CRTAC1: variants seen among roughly 807,000 people sequenced by gnomAD.
CRTAC1 encodes cartilage acidic protein 1, also known as acidic secreted protein in cartilage.
Under a neutral mutation model 67.8 loss-of-function variants are expected in CRTAC1, and 37 were observed. The observed-to-expected ratio is 0.55, with a 90% confidence interval of 0.42 to 0.72. The LOEUF (loss-of-function observed/expected upper bound fraction) is 0.72, where lower values mean the gene tolerates loss of function less well. Among genes scored for constraint, CRTAC1 ranks in the 30% least tolerant of loss-of-function variants. The pLI is 0.00. For missense variants in CRTAC1, 780 were observed against 931.6 expected (o/e 0.84, Z 2.12); for synonymous variants, 348 against 371.0 (o/e 0.94, Z 0.71).
At chr10:97,915,513 C>A (rs1224564895) in intron 5 of CRTAC1, among the ~76,000 whole-genome samples, 1 of 152,236 alleles carries the variant, frequency 6.6e-6, no homozygotes, top group Non-Finnish European at 1.5e-5. Context: ...CCCAGCTTCT[C>A]AGGCCCCCTG....
chr10:97,924,506 G>C (rs1251109498), intron 3 of CRTAC1, among the ~76,000 whole-genome samples: 1 of 152,178 alleles, frequency 6.6e-6, no homozygotes, highest in African/African-American at 2.4e-5. Flanking sequence ...CAGGGGCCAA[G>C]AGCTCAGGGT....
At chr10:98,020,283 G>A (rs191500927) in intron 1 of CRTAC1, among the ~76,000 whole-genome samples, 3 of 152,238 alleles carry the variant, frequency 2.0e-5, no homozygotes, top group East Asian at 1.9e-4. Context: ...AGTACTATAC[G>A]AGGAATGGAT....
At chr10:98,013,201 A>G (rs1212807771) in intron 1 of CRTAC1, among the ~76,000 whole-genome samples, 2 of 152,210 alleles carry the variant, frequency 1.3e-5, no homozygotes, top group African/African-American at 4.8e-5. Context: ...CAGTGGCTGG[A>G]AAGAGTGCTG....
chr10:97,884,070 A>G (rs2050248372), intron 12 of CRTAC1, 136 bp downstream of exon 12: 1 of 965,196 alleles, frequency 1.0e-6, no homozygotes, highest in Non-Finnish European at 1.5e-6. Context: ...AGGGATCAGT[A>G]TGAAGCCTTC....
rs769753665 is a variant in CRTAC1, at chr10:97,936,245, C to T, written c.346G>A (p.Gly116Arg). The change falls in exon 3 of 15, where the codon GGG (glycine) becomes AGG (arginine). Residue 116 changes from glycine to arginine, a missense_variant. Physicochemically the swap from Gly to Arg is moderately radical, Grantham distance 125. Transcript: ENST00000370597. ...ALRDRQGNAI[G>R]VTACDIDGDG... is the part of the protein sequence containing the mutation. Reference sequence around the variant, plus strand: ...CCGTCGATGTCGCAGGCTGTGACCCCGATGGCGTTCCCCTGCCGGTCCCGC... The same window carrying T: ...CCGTCGATGTCGCAGGCTGTGACCCTGATGGCGTTCCCCTGCCGGTCCCGC... The T allele has an allele frequency of 7.4e-6, 12 of 1,614,138 alleles. No individual in the cohort carries two copies. Among genetic ancestry groups the T allele is most frequent in the South Asian group, 6.6e-5 (6 of 91,072 alleles).
At chr10:97,965,429 T>A (rs1361572379) in intron 2 of CRTAC1, among the ~76,000 whole-genome samples, 1 of 152,188 alleles carries the variant, frequency 6.6e-6, no homozygotes, top group African/African-American at 2.4e-5. Context: ...ACCCCCTTTT[T>A]CATTTCCACC....
chr10:97,948,135 C>T (rs1237670014), intron 2 of CRTAC1, among the ~76,000 whole-genome samples: 1 of 148,738 alleles, frequency 6.7e-6, no homozygotes, highest in Non-Finnish European at 1.5e-5. Context: ...CTCTTCTGAG[C>T]TAATGTGATT....
chr10:98,006,022 G>T (rs1842782474), intron 2 of CRTAC1, among the ~76,000 whole-genome samples: 1 of 152,176 alleles, frequency 6.6e-6, no homozygotes, highest in African/African-American at 2.4e-5. Context: ...GTAGAAAAAT[G>T]GATCCAAATC....
chr10:97,956,060 GCTT>G (rs2051434914), intron 2 of CRTAC1, among the ~76,000 whole-genome samples: 1 of 152,204 alleles, frequency 6.6e-6, no homozygotes, highest in Non-Finnish European at 1.5e-5. Flanking sequence ...AATCACACCT[GCTT>G]CTGTTAAAGG....
At chr10:97,885,732 C>G (rs572555764) in intron 11 of CRTAC1, among the ~76,000 whole-genome samples, 53 of 152,196 alleles carry the variant, frequency 3.5e-4, no homozygotes, top group Middle Eastern at 3.4e-3. Context: ...CCAGCACAGA[C>G]AGGGGGAGAA....
rs1021227167 is a variant in CRTAC1 at position 97,885,335 on chromosome 10, G to GA, written c.1487-985dup. Among the ~76,000 whole-genome samples the GA allele has an allele frequency of 4.3e-4, 65 of 152,102 alleles. 1 individual carries two copies. In the Middle Eastern group the frequency reaches 0.01, roughly 24 times the overall value. ...GGCAACATAGTGAGACCCTGTTTCTGAAAAAAATAAAAACAAACAAAAAAC... is the reference window on the plus strand; with the variant it reads ...GGCAACATAGTGAGACCCTGTTTCTGAAAAAAAATAAAAACAAACAAAAAAC... On this transcript the variant is annotated intron_variant, in intron 11 of 14. Transcript: ENST00000370597.
intron 2 of CRTAC1, among the ~76,000 whole-genome samples, chr10:97,991,420 TAATA>T (rs59622695): frequency 0.12 from 17,201 of 147,116 alleles, 1,048 homozygotes; most frequent in African/African-American, 0.15. Flanking sequence ...CTTTTAAAAA[TAATA>T]AATAAATAAA....
At chr10:97,911,030 A>T (rs140011726) in intron 5 of CRTAC1, among the ~76,000 whole-genome samples, 3 of 152,230 alleles carry the variant, frequency 2.0e-5, no homozygotes, top group African/African-American at 7.2e-5. Flanking sequence ...TCCTAAAGCC[A>T]GCAGGAAAGG....
Position 97,865,662 on chromosome 10 carries a change from A to G in CRTAC1, c.1872T>C (p.Ala624=). 1 of 1,610,492 alleles carries G rather than the reference A, an allele frequency of 6.2e-7. No homozygotes were observed. Among genetic ancestry groups the G allele is most frequent in the Non-Finnish European group, 8.5e-7 (1 of 1,178,456 alleles). ...GPRPTTPTAA[A]ATAAAAAAAG... is the part of the protein sequence containing the mutation. ...CAGCGGCAGCAGCAGCGGCAGTGGC[A>G]GCAGCAGCGGTGGGGGTGGTGGGGC... The change falls in exon 15 of 15, where the codon GCT becomes GCC. Residue 624 remains alanine, a synonymous_variant. Transcript: ENST00000370597.
chr10:97,939,818 GC>G (rs2051145936), intron 2 of CRTAC1, among the ~76,000 whole-genome samples: 1 of 152,070 alleles, frequency 6.6e-6, no homozygotes, highest in African/African-American at 2.4e-5. Context: ...CACAATGCCT[GC>G]CCCGACTGCC....
chr10:98,005,100 A>ATATATATATATATAT, intron 2 of CRTAC1, among the ~76,000 whole-genome samples: 1 of 48,926 alleles, frequency 2.0e-5, no homozygotes, highest in African/African-American at 1.2e-4. Context: ...ATATATATAT[A>ATATATATATATATAT]TTTTTTTTTT....
At chr10:97,943,478 T>TG (rs2051210392) in intron 2 of CRTAC1, among the ~76,000 whole-genome samples, 2 of 152,238 alleles carry the variant, frequency 1.3e-5, no homozygotes, top group Admixed American at 1.3e-4. Context: ...TGTGGCCACT[T>TG]GGGGCATTTC....
At chr10:97,904,913 A>C in intron 6 of CRTAC1, 99 bp from the exon 7 acceptor site, 1 of 1,354,660 alleles carries the variant, frequency 7.4e-7, no homozygotes, top group Non-Finnish European at 9.7e-7. Flanking sequence ...AGGGAGGGTG[A>C]CTCTCATCTT....
intron 2 of CRTAC1, among the ~76,000 whole-genome samples, chr10:97,952,347 A>G (rs1333801085): frequency 2.0e-5 from 3 of 150,240 alleles, no homozygotes; most frequent in Non-Finnish European, 4.4e-5. Flanking sequence ...GTGAGACTCC[A>G]TCTCAAAAAA....
Sources: allele counts gnomAD v4.1 joint callset (sites outside exome capture counted in the v4.1 genomes callset), GRCh38; gene constraint gnomAD v4.1.1; transcripts MANE v1.5; gene names NCBI Gene and HGNC (gene_info 2026-07-23, HGNC 2026-07-21).